IGFL2: variants seen among roughly 807,000 people sequenced by gnomAD.
IGFL2 encodes insulin growth factor-like family member 2.
A neutral mutation model predicts 13.9 loss-of-function variants in IGFL2; 7 were observed. That is an observed-to-expected ratio of 0.51 (90% CI 0.29 to 0.95). IGFL2 has a LOEUF of 0.95. Ranked by LOEUF, IGFL2 falls within the 40% of genes least tolerant of loss-of-function variation. The pLI, the probability that IGFL2 is intolerant of heterozygous loss-of-function variation, is 0.08. For synonymous variants in IGFL2, 55 were observed against 55.8 expected, an observed-to-expected ratio of 0.99 and a Z score of 0.07; for missense variants, 138 against 147.8, an observed-to-expected ratio of 0.93 and a Z score of 0.34.
the IGFL2 span, chr19:46,124,701 CT>C: frequency 6.6e-7 from 1 of 1,516,456 alleles, no homozygotes; most frequent in Non-Finnish European, 9.1e-7. Context: ...AAGGCTGGAA[CT>C]TATGGAGACA....
At chr19:46,213,890 T>C in the IGFL2 span, 1 of 153,074 alleles carries the variant, frequency 6.5e-6, no homozygotes, top group Admixed American at 6.6e-5. Flanking sequence ...AACGGAAAAC[T>C]AAAAAGTTTT....
chr19:46,185,891 A>G, the IGFL2 span, among the ~76,000 whole-genome samples: 3 of 152,164 alleles, frequency 2.0e-5, no homozygotes, highest in East Asian at 3.9e-4. Flanking sequence ...AGGCAGTCCT[A>G]TGAGCCCCGG....
Position 46,160,456 on chromosome 19 carries a change from A to G in IGFL2, c.61A>G (p.Arg21Gly), listed in dbSNP as rs375227285. 1.4e-4 allele frequency: 224 copies of G among 1,613,630 alleles called. No individual in the cohort carries two copies. Among genetic ancestry groups the G allele is most frequent in the Non-Finnish European group, 1.7e-4 (198 of 1,179,762 alleles). The change falls in exon 2 of 4, where the codon AGG becomes GGG. Residue 21 changes from arginine to glycine, a missense_variant. Transcript: ENST00000377693. ...VSVCLLLLCP[R>G]EVIAPAGSEP... Reference sequence around the variant, plus strand: ...AGTCTGTCTCCTCCTCTTGTGTCCAAGGGAAGTCATCGGTGAGTACAAGGA... The same window carrying G: ...AGTCTGTCTCCTCCTCTTGTGTCCAGGGGAAGTCATCGGTGAGTACAAGGA...
At chr19:46,194,095 G>A in the IGFL2 span, among the ~76,000 whole-genome samples, 2 of 152,012 alleles carry the variant, frequency 1.3e-5, no homozygotes, top group Non-Finnish European at 2.9e-5. Context: ...TGGGCTCTAC[G>A]GGACACAGGG....
At chr19:46,186,897 G>A in the IGFL2 span, among the ~76,000 whole-genome samples, 2 of 152,146 alleles carry the variant, frequency 1.3e-5, no homozygotes, top group African/African-American at 2.4e-5. Context: ...CTGCTCTTCA[G>A]TGTGAAAGAA....
At chr19:46,136,997 G>C in the IGFL2 span, 1 of 1,553,534 alleles carries the variant, frequency 6.4e-7, no homozygotes, top group South Asian at 1.1e-5. Context: ...CAACTGACTG[G>C]CAGAGAAAGG....
chr19:46,191,611 A>G, the IGFL2 span, among the ~76,000 whole-genome samples: 1 of 152,146 alleles, frequency 6.6e-6, no homozygotes, highest in African/African-American at 2.4e-5. Flanking sequence ...AGGGAGGGCA[A>G]GAGACATGAG....
At chr19:46,158,108 A>T (rs542414331) in intron 1 of IGFL2, among the ~76,000 whole-genome samples, 8 of 152,356 alleles carry the variant, frequency 5.3e-5, no homozygotes, top group African/African-American at 1.7e-4. Flanking sequence ...TGAAAATTAC[A>T]AAATGCTCCT....
chr19:46,133,129 C>T, the IGFL2 span, among the ~76,000 whole-genome samples: 16 of 152,070 alleles, frequency 1.1e-4, no homozygotes, highest in Non-Finnish European at 7.4e-5. Context: ...GCTTGTCAGC[C>T]GTGAAGGGAT....
the IGFL2 span, among the ~76,000 whole-genome samples, chr19:46,132,892 C>T: frequency 6.6e-6 from 1 of 152,116 alleles, no homozygotes; most frequent in Non-Finnish European, 1.5e-5. Context: ...CGATTTCAAC[C>T]TGTCCCTCAC....
At chr19:46,170,480 G>A in the IGFL2 span, among the ~76,000 whole-genome samples, 125 of 152,270 alleles carry the variant, frequency 8.2e-4, 2 homozygotes, top group Middle Eastern at 0.017. Context: ...TGTTTGAACA[G>A]TTTGAAATCT....
the IGFL2 span, among the ~76,000 whole-genome samples, chr19:46,100,217 A>T: frequency 8.9e-3 from 1,349 of 152,214 alleles, 12 homozygotes; most frequent in Non-Finnish European, 0.014. Flanking sequence ...TTCAGTTTTC[A>T]GCGTTTTTTC....
At position 46,148,244 on chromosome 19, in the gene IGFL2, C is replaced by T; in HGVS notation, c.-35C>T. 1 of 1,549,022 alleles carries T rather than the reference C, an allele frequency of 6.5e-7. No homozygotes were observed. Among genetic ancestry groups the T allele is most frequent in the Non-Finnish European group, 8.7e-7 (1 of 1,144,560 alleles). On this transcript the variant is annotated 5_prime_UTR_variant, in exon 1 of 4. Coordinates refer to ENST00000377693, the MANE Select transcript of IGFL2 (RefSeq NM_001135113.2). The stretch of plus-strand genomic sequence containing the variant: ...CTGTATAAAGTCACTGACCCATTTG[C>T]ACTGCTGCTGTCCCATCAGCTGCTC...
At chr19:46,175,730 G>A in the IGFL2 span, among the ~76,000 whole-genome samples, 2 of 151,450 alleles carry the variant, frequency 1.3e-5, no homozygotes, top group African/African-American at 4.9e-5. Context: ...TAGTAGAGAC[G>A]GGGTTTCACC....
At chr19:46,176,149 A>C in the IGFL2 span, among the ~76,000 whole-genome samples, 3 of 149,738 alleles carry the variant, frequency 2.0e-5, no homozygotes, top group Non-Finnish European at 3.0e-5. Flanking sequence ...CACCGTTCCC[A>C]GCCCAGCACT....
intron 1 of IGFL2, among the ~76,000 whole-genome samples, chr19:46,152,319 C>T (rs1447126787): frequency 1.3e-5 from 2 of 149,034 alleles, no homozygotes; most frequent in Admixed American, 6.7e-5. Context: ...CTCTATCATG[C>T]AGGGTGGCGT....
the IGFL2 span, among the ~76,000 whole-genome samples, chr19:46,084,460 A>T: frequency 3.3e-5 from 5 of 152,252 alleles, no homozygotes; most frequent in East Asian, 9.7e-4. Context: ...CTCTCTTCAG[A>T]TATATTAATA....
the IGFL2 span, among the ~76,000 whole-genome samples, chr19:46,131,366 C>T: frequency 3.3e-5 from 5 of 152,170 alleles, no homozygotes; most frequent in African/African-American, 9.7e-5. Flanking sequence ...AAGCTTTACT[C>T]GACAATATTT....
chr19:46,178,044 C>T, the IGFL2 span, among the ~76,000 whole-genome samples: 8 of 152,020 alleles, frequency 5.3e-5, no homozygotes, highest in East Asian at 1.9e-4. Context: ...TTTGAGAGGC[C>T]GAGGCGGGTG....
Sources: gnomAD v4.1 joint callset for allele counts (sites outside exome capture counted in the v4.1 genomes callset) on GRCh38, gnomAD v4.1.1 for gene constraint, MANE v1.5 for transcripts, NCBI Gene and HGNC (gene_info 2026-07-23, HGNC 2026-07-21) for gene names.